STOX2: variants seen among roughly 807,000 people sequenced by gnomAD.
STOX2 encodes the protein storkhead-box protein 2.
STOX2 carries 28 observed loss-of-function variants against 60.9 expected under a neutral mutation model. The ratio of observed to expected loss-of-function variants is 0.46; its 90% CI spans 0.34 to 0.63. STOX2 has a LOEUF of 0.63. STOX2 is among the 30% of genes least tolerant of loss of function. The probability of loss-of-function intolerance (pLI) is 0.01; values close to 1 mark genes in which losing one functional copy is unlikely to be tolerated. For missense variants in STOX2, 1,024 were observed against 1,187.7 expected, an observed-to-expected ratio of 0.86 and a Z score of 2.03; for synonymous variants, 472 against 463.9, an observed-to-expected ratio of 1.02 and a Z score of -0.22.
chr4:183,870,070 A>G (rs1419804697), intron 1 of STOX2, among the ~76,000 whole-genome samples: 1 of 152,214 alleles, frequency 6.6e-6, no homozygotes, highest in African/African-American at 2.4e-5. Context: ...CGTTGTAAGT[A>G]GTAGTGAATA....
At chr4:183,933,579 G>C (rs1446177623) in intron 1 of STOX2, among the ~76,000 whole-genome samples, 2 of 152,122 alleles carry the variant, frequency 1.3e-5, no homozygotes, top group African/African-American at 4.8e-5. Flanking sequence ...AGTAGAGACG[G>C]GGTTTCGCCA....
chr4:183,962,240 GA>G (rs1384948625), intron 1 of STOX2, among the ~76,000 whole-genome samples: 16 of 152,170 alleles, frequency 1.1e-4, no homozygotes, highest in African/African-American at 3.9e-4. Flanking sequence ...AGGCTGTAAA[GA>G]TTCCCTTACT....
intron 1 of STOX2, among the ~76,000 whole-genome samples, chr4:183,829,439 C>T (rs1305252510): frequency 6.6e-6 from 1 of 152,170 alleles, no homozygotes; most frequent in African/African-American, 2.4e-5. Flanking sequence ...ACTTGCAGGC[C>T]TTTCCAACCC....
intron 1 of STOX2, among the ~76,000 whole-genome samples, chr4:183,803,549 G>C (rs1738815862): frequency 2.0e-5 from 3 of 152,192 alleles, no homozygotes; most frequent in Non-Finnish European, 4.4e-5. Context: ...GATTCATTCA[G>C]TGACTAGAGC....
At chr4:183,928,443 C>T (rs1053043126) in intron 1 of STOX2, among the ~76,000 whole-genome samples, 10 of 152,194 alleles carry the variant, frequency 6.6e-5, no homozygotes, top group East Asian at 3.8e-4. Context: ...TCTTGAGAAA[C>T]GTATCTTTCA....
chr4:183,819,378 A>G (rs902784460), intron 1 of STOX2, among the ~76,000 whole-genome samples: 9 of 151,902 alleles, frequency 5.9e-5, no homozygotes, highest in Non-Finnish European at 1.3e-4. Context: ...CCCCGTCTCC[A>G]CCAAAAAAAT....
chr4:183,928,821 A>AAC (rs952030729), intron 1 of STOX2, among the ~76,000 whole-genome samples: 1 of 151,038 alleles, frequency 6.6e-6, no homozygotes, highest in Non-Finnish European at 1.5e-5. Context: ...AAAACAAACA[A>AAC]AAAAAAAACA....
At chr4:183,951,240 A>G (rs539050911) in intron 1 of STOX2, among the ~76,000 whole-genome samples, 183 of 142,416 alleles carry the variant, frequency 1.3e-3, no homozygotes, top group Non-Finnish European at 2.3e-3. Context: ...AAAAAAAAAG[A>G]CAGTAGTGCA....
chr4:183,965,733 G>T (rs1240373165), intron 1 of STOX2, among the ~76,000 whole-genome samples: 3 of 152,110 alleles, frequency 2.0e-5, no homozygotes, highest in Non-Finnish European at 2.9e-5. Flanking sequence ...CAGTGGCGGG[G>T]GTTGTGGGGG....
intron 1 of STOX2, among the ~76,000 whole-genome samples, chr4:183,892,502 G>T (rs1425658056): frequency 1.3e-5 from 2 of 152,072 alleles, no homozygotes; most frequent in East Asian, 1.9e-4. Flanking sequence ...GGATGGTCTC[G>T]ATCTCCTGAC....
chr4:183,883,195 G>C (rs1459728746), intron 1 of STOX2, among the ~76,000 whole-genome samples: 2 of 151,848 alleles, frequency 1.3e-5, no homozygotes, highest in Non-Finnish European at 2.9e-5. Context: ...AAATATTTCA[G>C]CATGTAGCTC....
chr4:183,891,412 G>A (rs1741212488), intron 1 of STOX2, among the ~76,000 whole-genome samples: 4 of 118,308 alleles, frequency 3.4e-5, no homozygotes, highest in Admixed American at 9.7e-5. Flanking sequence ...ATATATGATG[G>A]AATACTACTC....
rs527704251 is a variant in STOX2, at chr4:183,992,290, CCCACTACAGTTG to C, written c.167-9034_167-9023del. Among the ~76,000 whole-genome samples the C allele has an allele frequency of 1.5e-3, 235 of 152,234 alleles. 1 individual carries two copies. The highest frequency in any genetic ancestry group is 5.1e-3 in the African/African-American group (210 of 41,508). ...ACAATTGTATTTTACAGAAATCAGT[CCCACTACAGTTG>C]TCATCCCTAAACTGATGAAGCAGAG... On this transcript the variant is annotated intron_variant, in intron 1 of 3. Coordinates refer to ENST00000308497, the MANE Select transcript of STOX2 (RefSeq NM_020225.3).
At chr4:183,930,318 A>G (rs1233352890) in intron 1 of STOX2, among the ~76,000 whole-genome samples, 1 of 151,792 alleles carries the variant, frequency 6.6e-6, no homozygotes, top group Admixed American at 6.6e-5. Flanking sequence ...GACGTGCGCC[A>G]CCAAGCCCAG....
intron 1 of STOX2, among the ~76,000 whole-genome samples, chr4:183,984,570 A>G (rs1732771466): frequency 6.6e-6 from 1 of 152,184 alleles, no homozygotes; most frequent in African/African-American, 2.4e-5. Flanking sequence ...GGCACCTGAT[A>G]AATATTTTTA....
At chr4:183,948,515 G>C (rs76219736) in intron 1 of STOX2, among the ~76,000 whole-genome samples, 18,466 of 138,214 alleles carry the variant, frequency 0.13, 1,335 homozygotes, top group East Asian at 0.32. Context: ...CTTTGGACAA[G>C]CTGTTAACTT....
At position 183,906,972 on chromosome 4, in the gene STOX2, C is replaced by T. The variant is rs1560875140; in HGVS notation, c.166+16C>T. 3 of 1,511,900 alleles carry T rather than the reference C, an allele frequency of 2.0e-6. No homozygotes were observed. The highest frequency in any genetic ancestry group is 1.2e-5 in the South Asian group (1 of 80,100). The allele number at this position is 1,511,900 out of a possible 1,614,324, so 93.7% of individuals were successfully genotyped here. On this transcript the variant is annotated intron_variant, in intron 1 of 3. Coordinates refer to ENST00000308497, the MANE Select transcript of STOX2 (RefSeq NM_020225.3). ...ATGACATCAGGTTGGTTGGTGACCGCGTTTCTGCCCCCGGGCCGGGGCCGC... is the reference window on the plus strand; with the variant it reads ...ATGACATCAGGTTGGTTGGTGACCGTGTTTCTGCCCCCGGGCCGGGGCCGC...
intron 1 of STOX2, among the ~76,000 whole-genome samples, chr4:183,841,359 T>C (rs929901832): frequency 4.0e-5 from 6 of 150,834 alleles, no homozygotes; most frequent in African/African-American, 9.9e-5. Flanking sequence ...CATGCCACCA[T>C]ACCAGGCTAA....
chr4:183,914,330 C>T (rs910986162), intron 1 of STOX2, among the ~76,000 whole-genome samples: 5 of 152,110 alleles, frequency 3.3e-5, no homozygotes, highest in African/African-American at 9.7e-5. Flanking sequence ...CCCAGCTACT[C>T]GGGAGGCTGA....
Sources: gnomAD v4.1 joint callset for allele counts (sites outside exome capture counted in the v4.1 genomes callset) on GRCh38, gnomAD v4.1.1 for gene constraint, MANE v1.5 for transcripts, NCBI Gene and HGNC (gene_info 2026-07-23, HGNC 2026-07-21) for gene names.